WDTC1: variants seen among roughly 807,000 people sequenced by gnomAD.
WDTC1 encodes the protein WD and tetratricopeptide repeats protein 1.
WDTC1 carries 12 observed loss-of-function variants against 76.0 expected under a neutral mutation model. That is an observed-to-expected ratio of 0.16 (90% CI 0.10 to 0.26). The LOEUF (loss-of-function observed/expected upper bound fraction) is 0.26, where lower values mean the gene tolerates loss of function less well. Among genes scored for constraint, WDTC1 ranks in the 10% least tolerant of loss-of-function variants. The probability of loss-of-function intolerance (pLI) is 1.00; values close to 1 mark genes in which losing one functional copy is unlikely to be tolerated. For missense variants in WDTC1, 511 were observed against 908.8 expected (o/e 0.56, Z 5.63); for synonymous variants, 326 against 350.8 (o/e 0.93, Z 0.79).
At chr1:27,296,959 G>A in intron 10 of WDTC1, 89 bp from the exon 11 acceptor site, 5 of 1,143,338 alleles carry the variant, frequency 4.4e-6, no homozygotes, top group Non-Finnish European at 6.5e-6. Context: ...GGAACCATCA[G>A]ACCCCGTGAT....
intron 1 of WDTC1, among the ~76,000 whole-genome samples, chr1:27,241,891 T>G (rs1028344753): frequency 5.0e-5 from 7 of 139,220 alleles, no homozygotes; most frequent in Non-Finnish European, 7.9e-5. Flanking sequence ...TCTCACACTG[T>G]TTTTTTTTGT....
chr1:27,236,113 C>CTTCT (rs1356303469), intron 1 of WDTC1, among the ~76,000 whole-genome samples: 2 of 152,228 alleles, frequency 1.3e-5, no homozygotes, highest in African/African-American at 4.8e-5. Flanking sequence ...GAGTGGCCAG[C>CTTCT]TTCTGCTCAC....
At chr1:27,290,142 C>T (rs571438313) in intron 6 of WDTC1, among the ~76,000 whole-genome samples, 18 of 152,214 alleles carry the variant, frequency 1.2e-4, no homozygotes, top group Middle Eastern at 3.4e-3. Flanking sequence ...AGTGCAGTGG[C>T]GTGATCATGG....
intron 3 of WDTC1, among the ~76,000 whole-genome samples, chr1:27,281,720 G>T (rs2013198472): frequency 6.6e-6 from 1 of 152,014 alleles, no homozygotes. Context: ...CTCCCGAGTA[G>T]CTTGGACTAC....
intron 1 of WDTC1, among the ~76,000 whole-genome samples, chr1:27,235,630 G>A (rs1012297330): frequency 3.3e-5 from 5 of 152,138 alleles, no homozygotes; most frequent in Admixed American, 6.6e-5. Context: ...CCACTTCTTG[G>A]ACTGAAAGCC....
chr1:27,271,883 C>T lies in WDTC1; in HGVS notation c.132+8648C>T, dbSNP rs1044752779. Among the ~76,000 whole-genome samples, 34 of 150,886 alleles carry T rather than the reference C, an allele frequency of 2.3e-4. 2 individuals carry two copies. The Middle Eastern group carries it at 0.01, about 45-fold the overall frequency. ...AACTCCCGGCCTCAGGTGATCCGCC[C>T]GCCTCAGCCTCCCAAAGTGCTGGGA... On this transcript the variant is annotated intron_variant, in intron 3 of 15. Coordinates refer to ENST00000319394, the MANE Select transcript of WDTC1 (RefSeq NM_001276252.2).
intron 5 of WDTC1, 120 bp from the exon 6 acceptor site, chr1:27,287,554 C>T: frequency 1.7e-6 from 2 of 1,170,810 alleles, no homozygotes; most frequent in Non-Finnish European, 2.4e-6. Flanking sequence ...GCCCAGCCTG[C>T]ATGGGCTCAT....
At chr1:27,272,627 A>G (rs951716523) in intron 3 of WDTC1, among the ~76,000 whole-genome samples, 2 of 152,262 alleles carry the variant, frequency 1.3e-5, no homozygotes, top group South Asian at 4.1e-4. Context: ...ACGAGGAAGA[A>G]CTCTAAGGTA....
intron 1 of WDTC1, among the ~76,000 whole-genome samples, chr1:27,256,186 A>G (rs2012274486): frequency 6.6e-6 from 1 of 152,184 alleles, no homozygotes; most frequent in Non-Finnish European, 1.5e-5. Flanking sequence ...AGCCTGGTGA[A>G]CACACTGTTG....
At chr1:27,258,984 C>T (rs992906298) in intron 1 of WDTC1, among the ~76,000 whole-genome samples, 2 of 152,060 alleles carry the variant, frequency 1.3e-5, no homozygotes, top group African/African-American at 2.4e-5. Flanking sequence ...GAGGTGGAAC[C>T]AGGACTAAAA....
chr1:27,296,047 G>A (rs1312800470), intron 9 of WDTC1, among the ~76,000 whole-genome samples: 1 of 152,158 alleles, frequency 6.6e-6, no homozygotes, highest in East Asian at 1.9e-4. Context: ...AGGATTACAG[G>A]CTACGCCACC....
chr1:27,277,137 A>G (rs1036328219), intron 3 of WDTC1, among the ~76,000 whole-genome samples: 1 of 151,974 alleles, frequency 6.6e-6, no homozygotes, highest in Admixed American at 6.6e-5. Flanking sequence ...GGCTCAAGCA[A>G]TCCTCCCATC....
intron 9 of WDTC1, among the ~76,000 whole-genome samples, chr1:27,295,299 A>T (rs1390980981): frequency 6.6e-6 from 1 of 152,218 alleles, no homozygotes; most frequent in Non-Finnish European, 1.5e-5. Context: ...GCCCAAATAT[A>T]TACAAATGAA....
At chr1:27,270,148 C>T (rs368725306) in intron 3 of WDTC1, among the ~76,000 whole-genome samples, 2 of 151,946 alleles carry the variant, frequency 1.3e-5, no homozygotes, top group African/African-American at 4.8e-5. Context: ...GGTTTTGAAC[C>T]GCTAGGCTCA....
chr1:27,238,998 CTTTTTTTTT>C (rs61324262), intron 1 of WDTC1, among the ~76,000 whole-genome samples: 3 of 91,686 alleles, frequency 3.3e-5, no homozygotes, highest in Non-Finnish European at 7.1e-5. Context: ...CCGCTCCTGG[CTTTTTTTTT>C]TTTTTTTTTT....
chr1:27,252,389 T>C (rs914070427), intron 1 of WDTC1, among the ~76,000 whole-genome samples: 3 of 152,118 alleles, frequency 2.0e-5, no homozygotes, highest in African/African-American at 4.8e-5. Context: ...CTTTGTCCTC[T>C]AGCTCGAGAA....
intron 1 of WDTC1, among the ~76,000 whole-genome samples, chr1:27,256,871 C>A (rs957583749): frequency 3.3e-5 from 5 of 151,954 alleles, no homozygotes; most frequent in African/African-American, 1.2e-4. Flanking sequence ...ATATTTCTTT[C>A]TTTTTTTTGA....
intron 13 of WDTC1, among the ~76,000 whole-genome samples, chr1:27,302,200 G>T (rs1270827814): frequency 6.6e-6 from 1 of 152,184 alleles, no homozygotes; most frequent in Non-Finnish European, 1.5e-5. Flanking sequence ...CAGGCACTGT[G>T]CTGGGTCCTG....
chr1:27,270,899 ATTTT>A (rs905690483), intron 3 of WDTC1, among the ~76,000 whole-genome samples: 1 of 151,732 alleles, frequency 6.6e-6, no homozygotes, highest in African/African-American at 2.4e-5. Flanking sequence ...GAGCTTTTGA[ATTTT>A]TTTTTATCAT....
Sources: gnomAD v4.1 joint callset for allele counts (sites outside exome capture counted in the v4.1 genomes callset) on GRCh38, gnomAD v4.1.1 for gene constraint, MANE v1.5 for transcripts, NCBI Gene and HGNC (gene_info 2026-07-23, HGNC 2026-07-21) for gene names.